Variants in SGSM3 observed in about 807,000 individuals in gnomAD.
The protein encoded by SGSM3 is small G protein signaling modulator 3.
SGSM3 carries 96 observed loss-of-function variants against 100.5 expected under a neutral mutation model. That is an observed-to-expected ratio of 0.96 (90% CI 0.81 to 1.13). The LOEUF (loss-of-function observed/expected upper bound fraction) is 1.13, where lower values mean the gene tolerates loss of function less well. Among genes scored for constraint, SGSM3 ranks in the 50% most tolerant of loss-of-function variants. The probability of loss-of-function intolerance (pLI) is 0.00; values close to 1 mark genes in which losing one functional copy is unlikely to be tolerated. For missense variants in SGSM3, 1,001 were observed against 1,015.8 expected (o/e 0.99, Z 0.20); for synonymous variants, 483 against 422.8 (o/e 1.14, Z -1.75).
Position 40,405,231 on chromosome 22 carries a change from C to T in SGSM3, c.565C>T (p.Arg189Trp), listed in dbSNP as rs767686797. Reference sequence around the variant, plus strand: ...GGTGCCCCGCCTGCGCAGGGTGCTCCGGGCCCTGGCCTGGCTCTACCCAGA... The same window carrying T: ...GGTGCCCCGCCTGCGCAGGGTGCTCTGGGCCCTGGCCTGGCTCTACCCAGA... The part of the protein sequence containing the change: ...IGVPRLRRVL[R>W]ALAWLYPEIG... Residue 189 changes from arginine (R) to tryptophan (W), a missense_variant, in exon 7 of 22, where the codon CGG becomes TGG. Coordinates refer to ENST00000248929, the MANE Select transcript of SGSM3 (RefSeq NM_015705.6). 22 of 1,574,690 alleles carry T rather than the reference C, an allele frequency of 1.4e-5. No individual in the cohort carries two copies. Among genetic ancestry groups the T allele is most frequent in the Middle Eastern group, 1.7e-4 (1 of 5,938 alleles).
chr22:40,398,024 G>T (rs7510797), intron 1 of SGSM3, among the ~76,000 whole-genome samples: 1 of 138,308 alleles, frequency 7.2e-6, no homozygotes, highest in Non-Finnish European at 1.5e-5. Context: ...CTGGAATGCA[G>T]TGGCGCCATC....
chr22:40,392,215 GT>G (rs1004863104), intron 1 of SGSM3, among the ~76,000 whole-genome samples: 37 of 146,712 alleles, frequency 2.5e-4, no homozygotes, highest in South Asian at 6.5e-4. Context: ...AGTATTGTCA[GT>G]TTTTTTTTTT....
chr22:40,392,762 C>T (rs1434274364), intron 1 of SGSM3, among the ~76,000 whole-genome samples: 1 of 152,126 alleles, frequency 6.6e-6, no homozygotes, highest in Non-Finnish European at 1.5e-5. Context: ...GTTGTGCAAC[C>T]ATCATCAGTA....
chr22:40,404,628 G>T lies in SGSM3; in HGVS notation c.438G>T (p.Lys146Asn). 1 of 1,613,458 alleles carries T rather than the reference G, an allele frequency of 6.2e-7. No homozygotes were observed. Among genetic ancestry groups the T allele is most frequent in the Non-Finnish European group, 8.5e-7 (1 of 1,179,732 alleles). Residue 146 changes from lysine (K) to asparagine (N), a missense_variant, in exon 6 of 22, where the codon AAG becomes AAT. Transcript: ENST00000248929. Reference protein sequence around the residue: ...NSELSYREIVKNSSNDETIAA... With the variant: ...NSELSYREIVNNSSNDETIAA... Reference sequence around the variant, plus strand: ...AGCTGTCCTACCGCGAGATTGTGAAGAACAGCTCCAACGATGAGACCATCG... The same window carrying T: ...AGCTGTCCTACCGCGAGATTGTGAATAACAGCTCCAACGATGAGACCATCG...
rs1434087850 is a variant in SGSM3 at position 40,400,775 on chromosome 22, A to C, written c.-32A>C. On this transcript the variant is annotated 5_prime_UTR_variant, in exon 2 of 22. Transcript: ENST00000248929. ...CAGGATAGGAGACTTCTAAGATTGG[A>C]GCTGCAGAAGACTTGCCAGCCCACC... 6.4e-7 allele frequency: 1 copy of C among 1,551,102 alleles called. No individual in the cohort carries two copies. Among genetic ancestry groups the C allele is most frequent in the Non-Finnish European group, 8.7e-7 (1 of 1,146,524 alleles).
At chr22:40,391,896 C>A (rs932313516) in intron 1 of SGSM3, among the ~76,000 whole-genome samples, 15 of 152,208 alleles carry the variant, frequency 9.9e-5, no homozygotes, top group African/African-American at 3.6e-4. Context: ...CTGGCTGGGC[C>A]TGGGAACCAA....
intron 1 of SGSM3, among the ~76,000 whole-genome samples, chr22:40,394,846 A>C (rs1452205502): frequency 2.0e-5 from 3 of 152,050 alleles, no homozygotes; most frequent in African/African-American, 7.2e-5. Context: ...ACCACCAATT[A>C]AAAATAACCC....
chr22:40,409,461 C>G lies in SGSM3; in HGVS notation c.2112-4C>G, dbSNP rs1013919278. On this transcript the variant is annotated splice_region_variant and splice_polypyrimidine_tract_variant and intron_variant, in intron 20 of 21. Transcript: ENST00000248929. ...GAGCCTTACCACCCCTTCCTCACCT[C>G]TAGAGTCCTCTGCTGCTTTGCCTTC... is the stretch of plus-strand genomic sequence containing the variant. The G allele has an allele frequency of 6.3e-7, 1 of 1,579,308 alleles. No individual in the cohort carries two copies. The highest frequency in any genetic ancestry group is 2.3e-5 in the East Asian group (1 of 44,376).
At chr22:40,394,291 T>C (rs1249713908) in intron 1 of SGSM3, among the ~76,000 whole-genome samples, 1 of 152,220 alleles carries the variant, frequency 6.6e-6, no homozygotes, top group African/African-American at 2.4e-5. Context: ...CCCCAAAATC[T>C]GCTCTTTCAG....
chr22:40,410,014 C>G lies in SGSM3; in HGVS notation c.*255C>G. ...AAACCTTGTGAGGAGGTGGGGGAGC[C>G]ATGTCTGTGCTCAGGAAGAGGGAAG... On this transcript the variant is annotated 3_prime_UTR_variant, in exon 22 of 22. Transcript: ENST00000248929. 6 of 1,329,260 alleles carry G rather than the reference C, an allele frequency of 4.5e-6. No homozygotes were observed. The highest frequency in any genetic ancestry group is 1.5e-5 in the African/African-American group (1 of 65,898). The allele number at this position is 1,329,260 out of a possible 1,614,324, so 82.3% of individuals were successfully genotyped here.
In SGSM3 at chr22:40,405,198, A is replaced by G. The variant is rs1364315235; in HGVS notation, c.532A>G (p.Ser178Gly). ...CAACGCCTGCTTCGCCAGCATGGGT[A>G]GCATCGGGGTGCCCCGCCTGCGCAG... ...PSNACFASMG[S>G]IGVPRLRRVL... Residue 178 changes from serine to glycine, a missense_variant, in exon 7 of 22, where the codon AGC (serine) becomes GGC (glycine). Physicochemically the swap from Ser to Gly is moderately conservative, Grantham distance 56. Transcript: ENST00000248929. The G allele has an allele frequency of 1.3e-6, 2 of 1,588,120 alleles. No homozygotes were observed. Among genetic ancestry groups the G allele is most frequent in the East Asian group, 2.3e-5 (1 of 43,290 alleles).
intron 1 of SGSM3, among the ~76,000 whole-genome samples, chr22:40,371,947 T>C (rs908189738): frequency 1.3e-5 from 2 of 151,982 alleles, no homozygotes; most frequent in African/African-American, 4.8e-5. Context: ...GATCCGCCCG[T>C]CTCGGGCCTC....
Position 40,402,060 on chromosome 22 carries a change from C to T in SGSM3, c.91-79C>T, listed in dbSNP as rs185606203. On this transcript the variant is annotated intron_variant, in intron 3 of 21. Coordinates refer to ENST00000248929, the MANE Select transcript of SGSM3 (RefSeq NM_015705.6). ...GGCTGGGTGGGATTTTAGCAGGCAA[C>T]CCTGTGGGTGGCATCTTTCAGACCT... 8 of 1,118,968 alleles carry T rather than the reference C, an allele frequency of 7.1e-6. No individual in the cohort carries two copies. The East Asian group carries it at 1.4e-4, about 20-fold the overall frequency. 69.3% of individuals were successfully genotyped at this position (1,118,968 alleles called of 1,614,324 possible). A position where few individuals can be genotyped will look rare whatever the true frequency, so the allele number is the denominator to read the frequency against.
chr22:40,371,203 A>T (rs1159733710), intron 1 of SGSM3, among the ~76,000 whole-genome samples: 1 of 152,242 alleles, frequency 6.6e-6, no homozygotes, highest in Non-Finnish European at 1.5e-5. Context: ...CACGGGGGAA[A>T]CTGAGGCATA....
At chr22:40,404,780 T>C (rs1334277001) in intron 6 of SGSM3, 116 bp downstream of exon 6, 2 of 744,518 alleles carry the variant, frequency 2.7e-6, no homozygotes, top group East Asian at 2.7e-5. Context: ...GGAGGATATT[T>C]GCTCCTTCCT....
intron 1 of SGSM3, among the ~76,000 whole-genome samples, chr22:40,380,993 A>G (rs185678806): frequency 5.3e-4 from 80 of 152,162 alleles, no homozygotes; most frequent in Non-Finnish European, 4.7e-4. Flanking sequence ...TGTAAATTGT[A>G]TTTTCCCCCA....
chr22:40,385,637 T>G (rs1398005600), intron 1 of SGSM3, among the ~76,000 whole-genome samples: 1 of 152,180 alleles, frequency 6.6e-6, no homozygotes, highest in Non-Finnish European at 1.5e-5. Flanking sequence ...TCGTTAAAGC[T>G]GGAGTACAGT....
chr22:40,399,831 T>C (rs1403886846), intron 1 of SGSM3, among the ~76,000 whole-genome samples: 1 of 152,200 alleles, frequency 6.6e-6, no homozygotes, highest in Non-Finnish European at 1.5e-5. Flanking sequence ...GGAGCGTCTC[T>C]CCCATTTGGG....
In SGSM3 at chr22:40,405,751, CTGCTGGGTGTCCAGA is replaced by C; in HGVS notation, c.722_736del (p.Leu241_Thr246delinsPro). 6.2e-7 allele frequency: 1 copy of C among 1,613,818 alleles called. No individual in the cohort carries two copies. On this transcript the variant is annotated inframe_deletion, in exon 8 of 22. Coordinates refer to ENST00000248929, the MANE Select transcript of SGSM3 (RefSeq NM_015705.6). ...CCCCGCCTCCTACTTCAGCACCACC[CTGCTGGGTGTCCAGA>C]CTGACCAGCGGGTCCTGCGCCACCT...
Sources: allele counts gnomAD v4.1 joint callset (sites outside exome capture counted in the v4.1 genomes callset), GRCh38; gene constraint gnomAD v4.1.1; transcripts MANE v1.5; gene names NCBI Gene and HGNC (gene_info 2026-07-23, HGNC 2026-07-21).